The following MFHAS1 variants were observed in gnomAD, a reference collection of about 807,000 sequenced individuals.
MFHAS1 encodes malignant fibrous histiocytoma-amplified sequence 1.
MFHAS1 carries 50 observed loss-of-function variants against 70.4 expected under a neutral mutation model. The ratio of observed to expected loss-of-function variants is 0.71; its 90% confidence interval spans 0.57 to 0.90. MFHAS1 has a LOEUF of 0.90. Among genes scored for constraint, MFHAS1 ranks in the 40% least tolerant of loss-of-function variants. The pLI is 0.00. For synonymous variants in MFHAS1, 952 were observed against 620.0 expected, an observed-to-expected ratio of 1.54 and a Z score of -7.96; for missense variants, 1,795 against 1,347.6, an observed-to-expected ratio of 1.33 and a Z score of -5.20.
chr8:8,831,387 C>A (rs991305927), intron 1 of MFHAS1, among the ~76,000 whole-genome samples: 2 of 151,916 alleles, frequency 1.3e-5, no homozygotes, highest in African/African-American at 4.8e-5. Context: ...AAAGTTTGAT[C>A]GAATAAATCC....
chr8:8,837,755 T>C (rs907231235), intron 1 of MFHAS1, among the ~76,000 whole-genome samples: 1 of 151,998 alleles, frequency 6.6e-6, no homozygotes, highest in Non-Finnish European at 1.5e-5. Context: ...AGGGCTACTA[T>C]TAAAAAAATA....
At chr8:8,797,248 T>G (rs1333385160) in intron 2 of MFHAS1, 117 bp downstream of exon 2, 2 of 1,172,164 alleles carry the variant, frequency 1.7e-6, no homozygotes, top group African/African-American at 3.1e-5. Context: ...TTATGTCTGT[T>G]CAGGAGGACT....
intron 1 of MFHAS1, among the ~76,000 whole-genome samples, chr8:8,807,070 C>T (rs1033405892): frequency 3.3e-5 from 5 of 152,188 alleles, no homozygotes; most frequent in African/African-American, 1.2e-4. Context: ...AATATGGCAC[C>T]TGAGCACGCT....
At chr8:8,809,804 G>C (rs66876829) in intron 1 of MFHAS1, among the ~76,000 whole-genome samples, 26,210 of 152,084 alleles carry the variant, frequency 0.17, 3,892 homozygotes, top group African/African-American at 0.4. Context: ...CCACAGTGCT[G>C]CACTGAAGTG....
intron 1 of MFHAS1, among the ~76,000 whole-genome samples, chr8:8,889,391 T>A (rs922902432): frequency 6.6e-6 from 1 of 152,224 alleles, no homozygotes; most frequent in Non-Finnish European, 1.5e-5. Context: ...TCTTTACTCA[T>A]CCATTGTTCA....
At chr8:8,813,987 G>A (rs545074458) in intron 1 of MFHAS1, among the ~76,000 whole-genome samples, 40 of 148,332 alleles carry the variant, frequency 2.7e-4, no homozygotes, top group African/African-American at 7.5e-4. Context: ...TGCCCATGCT[G>A]GAGTGCAGGG....
At chr8:8,839,525 G>C (rs964446972) in intron 1 of MFHAS1, among the ~76,000 whole-genome samples, 2 of 152,184 alleles carry the variant, frequency 1.3e-5, no homozygotes, top group Non-Finnish European at 2.9e-5. Flanking sequence ...TATGAAATTA[G>C]TGACTGTGGG....
intron 2 of MFHAS1, among the ~76,000 whole-genome samples, chr8:8,792,775 G>A (rs138625828): frequency 1.6e-3 from 242 of 152,234 alleles, no homozygotes; most frequent in Middle Eastern, 6.8e-3. Flanking sequence ...CTGCAAATAC[G>A]TTAGTAATCA....
At chr8:8,816,441 C>T (rs140404845) in intron 1 of MFHAS1, among the ~76,000 whole-genome samples, 128 of 152,172 alleles carry the variant, frequency 8.4e-4, no homozygotes, top group African/African-American at 3.0e-3. Context: ...AGATTCTGAG[C>T]GGGACAAATT....
chr8:8,880,606 C>T (rs888479971), intron 1 of MFHAS1, among the ~76,000 whole-genome samples: 6 of 152,068 alleles, frequency 3.9e-5, no homozygotes, highest in Non-Finnish European at 5.9e-5. Context: ...TTCAGATTTG[C>T]AAAAGTGAAA....
chr8:8,872,389 G>C (rs1352477453), intron 1 of MFHAS1, among the ~76,000 whole-genome samples: 1 of 152,148 alleles, frequency 6.6e-6, no homozygotes, highest in African/African-American at 2.4e-5. Flanking sequence ...ACTGTAAAAG[G>C]GGACGGCAGG....
chr8:8,870,590 A>G (rs532520274), intron 1 of MFHAS1, among the ~76,000 whole-genome samples: 7 of 152,316 alleles, frequency 4.6e-5, no homozygotes, highest in African/African-American at 1.7e-4. Flanking sequence ...GGTTTTACAG[A>G]AAGTCCCTAC....
intron 1 of MFHAS1, among the ~76,000 whole-genome samples, chr8:8,834,969 T>C (rs767030817): frequency 2.0e-5 from 3 of 152,336 alleles, no homozygotes; most frequent in Middle Eastern, 3.4e-3. Flanking sequence ...GGTATCCCTT[T>C]TAACTTTCAA....
chr8:8,888,296 A>G (rs942680953), intron 1 of MFHAS1, among the ~76,000 whole-genome samples: 13 of 152,178 alleles, frequency 8.5e-5, no homozygotes, highest in African/African-American at 1.9e-4. Context: ...TTGGTATTCA[A>G]TTCCTTCCTG....
At chr8:8,877,907 AACGC>A (rs1363227809) in intron 1 of MFHAS1, among the ~76,000 whole-genome samples, 1 of 152,184 alleles carries the variant, frequency 6.6e-6, no homozygotes, top group Non-Finnish European at 1.5e-5. Flanking sequence ...CTAAATGCAA[AACGC>A]ATCTGTGCCC....
At chr8:8,829,754 T>G (rs1256718876) in intron 1 of MFHAS1, among the ~76,000 whole-genome samples, 2 of 152,140 alleles carry the variant, frequency 1.3e-5, no homozygotes, top group Non-Finnish European at 2.9e-5. Flanking sequence ...CCTGACACAA[T>G]GGCAGGACCA....
intron 2 of MFHAS1, among the ~76,000 whole-genome samples, chr8:8,792,787 T>C (rs1408503744): frequency 2.0e-5 from 3 of 152,230 alleles, no homozygotes; most frequent in South Asian, 2.1e-4. Context: ...TAGTAATCAT[T>C]GCACAGGTGA....
chr8:8,793,591 C>A (rs1343945399), intron 2 of MFHAS1, among the ~76,000 whole-genome samples: 3 of 152,248 alleles, frequency 2.0e-5, no homozygotes, highest in African/African-American at 7.2e-5. Flanking sequence ...CACTCTCAAT[C>A]CTCTCCTGAT....
In MFHAS1 at chr8:8,889,933, T is replaced by C; in HGVS notation, c.2998+128A>G. On this transcript the variant is annotated intron_variant, in intron 1 of 2. Transcript: ENST00000276282. ...TTGCTCATCTCCAAATCTCCCTGTG[T>C]TTCCCTTACGAAGCTTTCCTGGAGA... 9.4e-6 allele frequency: 7 copies of C among 745,978 alleles called. No homozygotes were observed. In the East Asian group the frequency reaches 1.9e-4, roughly 20 times the overall value. The allele number at this position is 745,978 out of a possible 1,614,324, so 46.2% of individuals were successfully genotyped here. A position where few individuals can be genotyped will look rare whatever the true frequency, so the allele number is the denominator to read the frequency against.
Sources: allele counts gnomAD v4.1 joint callset (sites outside exome capture counted in the v4.1 genomes callset), GRCh38; gene constraint gnomAD v4.1.1; transcripts MANE v1.5; gene names NCBI Gene and HGNC (gene_info 2026-07-23, HGNC 2026-07-21).